Variants in MGST1 observed in about 807,000 individuals in gnomAD.
The protein encoded by MGST1 is microsomal glutathione S-transferase 1, also known as glutathione S-transferase 12.
In MGST1, 5 loss-of-function variants were observed where a neutral mutation model predicts 8.9. That is an observed-to-expected ratio of 0.56 (90% CI 0.29 to 1.19). The LOEUF (loss-of-function observed/expected upper bound fraction) is 1.19. Ranked by LOEUF, MGST1 falls within the 50% of genes most tolerant of loss-of-function variation. The pLI is 0.08. For synonymous variants in MGST1, 54 were observed against 67.8 expected, an observed-to-expected ratio of 0.80 and a Z score of 1.00; for missense variants, 182 against 187.4, an observed-to-expected ratio of 0.97 and a Z score of 0.17.
Position 16,400,125 on chromosome 12 carries a change from C to A in MGST1, n.778+16521C>A. 2.0e-6 allele frequency: 3 copies of A among 1,527,338 alleles called. No individual in the cohort carries two copies. In the Admixed American group the frequency reaches 5.0e-5, roughly 26 times the overall value. The allele number at this position is 1,527,338 out of a possible 1,614,324, so 94.6% of individuals were successfully genotyped here. A position where few individuals can be genotyped will look rare whatever the true frequency, so the allele number is the denominator to read the frequency against. The stretch of plus-strand genomic sequence containing the variant: ...TCAGTTTGTGCCTCATTTCTCGTTC[C>A]ATCTGCTCAGCATAGAGGTCATCTC... On this transcript the variant is annotated intron_variant and non_coding_transcript_variant, in intron 1 of 1. Transcript: ENST00000359720.
In MGST1 at chr12:16,465,980, A is replaced by G. The variant is rs193255725; in HGVS notation, n.482+82376A>G. Among the ~76,000 whole-genome samples the G allele has an allele frequency of 9.9e-5, 15 of 152,276 alleles. No individual in the cohort carries two copies. The East Asian group carries it at 2.9e-3, about 29-fold the overall frequency. Reference sequence around the variant, plus strand: ...CTTTGTATGTGCGTTCTCAGTTAATATATAGCTAATAACTCTTATTTTTCT... The same window carrying G: ...CTTTGTATGTGCGTTCTCAGTTAATGTATAGCTAATAACTCTTATTTTTCT... On this transcript the variant is annotated intron_variant and non_coding_transcript_variant, in intron 4 of 4. Coordinates refer to the MGST1 transcript ENST00000538857.
chr12:16,495,462 A>G (rs1463423157), intron 4 of MGST1, among the ~76,000 whole-genome samples: 1 of 152,158 alleles, frequency 6.6e-6, no homozygotes, highest in African/African-American at 2.4e-5. Flanking sequence ...TGCATCTAAA[A>G]GAAACATTGA....
intron 2 of MGST1, 122 bp from the exon 3 acceptor site, chr12:16,357,483 G>T (rs1395115211): frequency 5.4e-6 from 4 of 735,104 alleles, no homozygotes; most frequent in East Asian, 5.7e-5. Flanking sequence ...TGCCCAGGCT[G>T]ATCTTGAATT....
At chr12:16,470,575 A>C (rs531727541) in intron 4 of MGST1, among the ~76,000 whole-genome samples, 2 of 152,182 alleles carry the variant, frequency 1.3e-5, no homozygotes, top group African/African-American at 4.8e-5. Flanking sequence ...ATAACAGGAG[A>C]GTAATCATGG....
intron 1 of MGST1, among the ~76,000 whole-genome samples, chr12:16,394,511 TC>T (rs1940584102): frequency 2.0e-5 from 1 of 50,060 alleles, no homozygotes; most frequent in Non-Finnish European, 4.1e-5. Flanking sequence ...TCTCTTTCTC[TC>T]CCTTTCTTTC....
intron 3 of MGST1, among the ~76,000 whole-genome samples, chr12:16,372,218 G>A (rs752104225): frequency 1.3e-5 from 2 of 151,940 alleles, no homozygotes; most frequent in African/African-American, 4.8e-5. Context: ...CTCCACAGCC[G>A]AGGAAACAAT....
rs879450427 is a variant in MGST1 at position 16,546,330 on chromosome 12, C to T, written n.483-43198C>T. Among the ~76,000 whole-genome samples the T allele has an allele frequency of 6.6e-6, 1 of 152,094 alleles. No homozygotes were observed. The highest frequency in any genetic ancestry group is 1.5e-5 in the Non-Finnish European group (1 of 67,994). ...GCCACTAAATTTGGTATAGTTAATG[C>T]CAACCACTTTGCCCGTAAAGCCAAA... is the stretch of plus-strand genomic sequence containing the variant. On this transcript the variant is annotated intron_variant and non_coding_transcript_variant, in intron 4 of 4. Coordinates refer to the MGST1 transcript ENST00000538857. The surrounding 1 kb of genome is among the most constrained non-coding windows in gnomAD (Gnocchi z 4.7).
intron 4 of MGST1, among the ~76,000 whole-genome samples, chr12:16,493,009 T>TC (rs1565464147): frequency 1.3e-5 from 2 of 152,180 alleles, no homozygotes; most frequent in African/African-American, 4.8e-5. Flanking sequence ...AGTAATTTTC[T>TC]CCCCCGAGGA....
intron 4 of MGST1, among the ~76,000 whole-genome samples, chr12:16,506,218 G>A (rs1024286322): frequency 5.3e-5 from 8 of 152,048 alleles, no homozygotes; most frequent in Non-Finnish European, 8.8e-5. Context: ...GTCAACATGC[G>A]CCCTCATTCC....
chr12:16,483,434 C>T (rs958314294), intron 4 of MGST1, among the ~76,000 whole-genome samples: 15 of 151,942 alleles, frequency 9.9e-5, no homozygotes, highest in African/African-American at 3.4e-4. Context: ...TGGAATCAAA[C>T]CCTCGTTTAA....
chr12:16,357,765 A>T, intron 3 of MGST1, 66 bp downstream of exon 3: 2 of 1,338,012 alleles, frequency 1.5e-6, no homozygotes, highest in South Asian at 1.3e-5. Flanking sequence ...TTCAGTGAAG[A>T]TGTCTCAGGG....
intron 1 of MGST1, among the ~76,000 whole-genome samples, chr12:16,429,097 C>T (rs914896487): frequency 6.6e-6 from 1 of 152,102 alleles, no homozygotes; most frequent in East Asian, 1.9e-4. Flanking sequence ...TTTTGAACAT[C>T]GTTAAATTCC....
chr12:16,435,472 T>C (rs1940976591), intron 1 of MGST1, among the ~76,000 whole-genome samples: 1 of 151,984 alleles, frequency 6.6e-6, no homozygotes, highest in African/African-American at 2.4e-5. Context: ...CTGAAACATA[T>C]ATCATTTCAA....
At position 16,347,788 on chromosome 12, in the gene MGST1, A is replaced by G. The variant is rs929166013; in HGVS notation, c.-23+78A>G. 1.3e-5 allele frequency: 2 copies of G among 152,384 alleles called. No homozygotes were observed. The highest frequency in any genetic ancestry group is 2.9e-5 in the Non-Finnish European group (2 of 68,138). 9.4% of individuals were successfully genotyped at this position (152,384 alleles called of 1,614,324 possible). ...AGGGCCAGGGTGGGTGGCAGATGGA[A>G]GACTTGGGGGGGTCTCTGCCAGCTG... On this transcript the variant is annotated intron_variant, in intron 1 of 3. Transcript: ENST00000396210. The surrounding 1 kb of genome is among the most constrained non-coding windows in gnomAD (Gnocchi z 4.0).
chr12:16,358,488 A>G (rs1939830690), intron 3 of MGST1, among the ~76,000 whole-genome samples: 1 of 147,554 alleles, frequency 6.8e-6, no homozygotes, highest in Non-Finnish European at 1.5e-5. Context: ...TTTTTTTGAG[A>G]TGGAGTCTCA....
chr12:16,402,807 T>C (rs1940668664), intron 1 of MGST1, among the ~76,000 whole-genome samples: 2 of 151,918 alleles, frequency 1.3e-5, no homozygotes, highest in East Asian at 3.9e-4. Context: ...TCCTTCATTA[T>C]ATAGGTGTTC....
chr12:16,395,687 G>A (rs181774927), intron 1 of MGST1, among the ~76,000 whole-genome samples: 4 of 150,342 alleles, frequency 2.7e-5, no homozygotes, highest in East Asian at 4.0e-4. Context: ...TTCCATTCCC[G>A]AGTTACTTCA....
At chr12:16,435,564 T>G (rs2137097752) in intron 1 of MGST1, among the ~76,000 whole-genome samples, 1 of 152,104 alleles carries the variant, frequency 6.6e-6, no homozygotes, top group East Asian at 1.9e-4. Flanking sequence ...TCATTCTTAG[T>G]ATTCTCAGAA....
At chr12:16,415,096 A>G (rs546658859) in intron 1 of MGST1, among the ~76,000 whole-genome samples, 4 of 152,316 alleles carry the variant, frequency 2.6e-5, no homozygotes, top group Admixed American at 1.3e-4. Flanking sequence ...TATGTAAGGG[A>G]CTGGAACATT....
Sources: gnomAD v4.1 joint callset for allele counts (sites outside exome capture counted in the v4.1 genomes callset) on GRCh38, gnomAD v4.1.1 for gene constraint, Gnocchi (gnomAD v3.1) non-coding constraint, MANE v1.5 for transcripts, NCBI Gene and HGNC (gene_info 2026-07-23, HGNC 2026-07-21) for gene names.